Variants in MTERF4 observed in about 807,000 individuals in gnomAD.
MTERF4 encodes transcription termination factor 4, mitochondrial.
In MTERF4, 17 loss-of-function variants were observed where a neutral mutation model predicts 22.5. That is an observed-to-expected ratio of 0.75 (90% CI 0.52 to 1.13). MTERF4 has a LOEUF of 1.13. Ranked by LOEUF, MTERF4 falls within the 50% of genes most tolerant of loss-of-function variation. MTERF4 has a pLI of 0.00. For missense variants in MTERF4, 420 were observed against 466.8 expected (o/e 0.90, Z 0.92); for synonymous variants, 165 against 175.3 (o/e 0.94, Z 0.47).
chr2:241,060,811 G>A, the MTERF4 span, among the ~76,000 whole-genome samples: 1 of 152,144 alleles, frequency 6.6e-6, no homozygotes, highest in East Asian at 1.9e-4. Flanking sequence ...TGCACCTGTA[G>A]TCCCAGCTAC....
At chr2:241,064,586 G>A in the MTERF4 span, among the ~76,000 whole-genome samples, 1 of 152,178 alleles carries the variant, frequency 6.6e-6, no homozygotes, top group African/African-American at 2.4e-5. The surrounding 1 kb of genome is among the most constrained non-coding windows in gnomAD (Gnocchi z 7.0). Context: ...GTGGTGGCCT[G>A]TCCTGTCCTG....
At chr2:241,098,709 G>A (rs1488324975) in intron 2 of MTERF4, among the ~76,000 whole-genome samples, 1 of 152,182 alleles carries the variant, frequency 6.6e-6, no homozygotes, top group East Asian at 1.9e-4. Context: ...CAGAGACAGA[G>A]CACTAAGACC....
At chr2:241,081,171 C>T (rs530435642) in intron 4 of MTERF4, among the ~76,000 whole-genome samples, 1 of 152,212 alleles carries the variant, frequency 6.6e-6, no homozygotes, top group Non-Finnish European at 1.5e-5. Context: ...ACCATCTGAA[C>T]CTAAATCCTA....
the MTERF4 span, chr2:241,062,971 G>T: frequency 2.9e-4 from 307 of 1,048,648 alleles, 9 homozygotes; most frequent in South Asian, 3.3e-3. Flanking sequence ...TGAGGCACTG[G>T]GTCCCCCGGA....
the MTERF4 span, chr2:241,048,699 A>G: frequency 1.9e-6 from 3 of 1,612,844 alleles, no homozygotes; most frequent in Non-Finnish European, 2.5e-6. Context: ...ACGGAGGCAG[A>G]TGCCTGGGCG....
the MTERF4 span, chr2:241,048,559 G>A: frequency 6.7e-7 from 1 of 1,495,502 alleles, no homozygotes; most frequent in Non-Finnish European, 9.1e-7. Context: ...CGCGTCCACT[G>A]CAATTTGTAT....
At chr2:241,087,409 G>A (rs1259286993), downstream of MTERF4, 6 of 1,601,848 alleles carry the variant, frequency 3.7e-6, no homozygotes, top group East Asian at 2.3e-5. Context: ...AGAGTCTACC[G>A]AGTTCACCAA....
downstream of MTERF4, chr2:241,068,070 T>C: frequency 1.1e-6 from 1 of 928,268 alleles, no homozygotes; most frequent in Non-Finnish European, 1.6e-6. The surrounding 1 kb of genome is among the most constrained non-coding windows in gnomAD (Gnocchi z 5.3). Flanking sequence ...GCTCCTCACC[T>C]GAGCGGAGAC....
exon 5 of MTERF4, chr2:241,074,739 A>G (rs1324526741): frequency 6.6e-6 from 1 of 152,202 alleles, no homozygotes; most frequent in Non-Finnish European, 1.5e-5. Flanking sequence ...TCTTTGGTTC[A>G]TGTTGCACTC....
downstream of MTERF4, chr2:241,093,413 C>G (rs2064172950): frequency 6.6e-6 from 1 of 152,656 alleles, no homozygotes; most frequent in East Asian, 1.9e-4. Context: ...CCTCAAGCCC[C>G]TCAGCCACAC....
At chr2:241,051,112 C>T in the MTERF4 span, among the ~76,000 whole-genome samples, 3 of 152,222 alleles carry the variant, frequency 2.0e-5, no homozygotes, top group Non-Finnish European at 4.4e-5. This position sits in a 1 kb window ranked among gnomAD's most constrained non-coding sequence, Gnocchi z 4.7. Context: ...AGGCCCCTCC[C>T]GCCACTCAGA....
chr2:241,102,104 G>C, intron 1 of MTERF4, 149 bp downstream of exon 1: 1 of 1,044,158 alleles, frequency 9.6e-7, no homozygotes, highest in Non-Finnish European at 1.4e-6. Context: ...AGAGCCACGG[G>C]TCCAGGATGC....
chr2:241,055,965 A>G, the MTERF4 span, among the ~76,000 whole-genome samples: 5 of 152,244 alleles, frequency 3.3e-5, no homozygotes, highest in African/African-American at 7.2e-5. Context: ...GCTACCTAGT[A>G]GAGAATACAG....
chr2:241,044,674 A>G, the MTERF4 span, among the ~76,000 whole-genome samples: 1 of 152,372 alleles, frequency 6.6e-6, no homozygotes, highest in African/African-American at 2.4e-5. Context: ...AGCAGGGCTG[A>G]CAGTGCAGAA....
At chr2:241,071,742 CCCA>C (rs2062731161), downstream of MTERF4, 2 of 1,536,710 alleles carry the variant, frequency 1.3e-6, no homozygotes, top group Non-Finnish European at 8.8e-7. Flanking sequence ...ACCCATCGGC[CCCA>C]TCGCCCGAGG....
chr2:241,081,342 A>G (rs2063318061), intron 4 of MTERF4, among the ~76,000 whole-genome samples: 1 of 152,140 alleles, frequency 6.6e-6, no homozygotes, highest in South Asian at 2.1e-4. Flanking sequence ...GGGAGGGGCC[A>G]CAGGCCAGTG....
chr2:241,073,600 CAG>C lies in MTERF4; in HGVS notation n.2560_2561del, dbSNP rs1328826244. The C allele has an allele frequency of 2.0e-5, 12 of 586,356 alleles. No homozygotes were observed. The highest frequency in any genetic ancestry group is 1.9e-4 in the African/African-American group (10 of 53,618). 36.3% of individuals were successfully genotyped at this position (586,356 alleles called of 1,614,324 possible). ...GGGGGCAGGACCCACCCAAACCACC[CAG>C]AGTCTGAGCTAGAGAGACTGGCTTT... On this transcript the variant is annotated non_coding_transcript_exon_variant, in exon 5 of 5. Transcript: ENST00000464344. The surrounding 1 kb of genome is among the most constrained non-coding windows in gnomAD (Gnocchi z 6.6).
chr2:241,097,099 C>T, intron 3 of MTERF4, 144 bp downstream of exon 3: 1 of 923,524 alleles, frequency 1.1e-6, no homozygotes, highest in East Asian at 2.6e-5. Flanking sequence ...ATATAACTGA[C>T]CTTCACTACA....
At chr2:241,065,652 C>T in the MTERF4 span, 10 of 1,470,124 alleles carry the variant, frequency 6.8e-6, no homozygotes, top group Non-Finnish European at 8.4e-6. Flanking sequence ...GAGGGCAGCG[C>T]TGGCCCCGGC....
Sources: allele counts gnomAD v4.1 joint callset (sites outside exome capture counted in the v4.1 genomes callset), GRCh38; gene constraint gnomAD v4.1.1; non-coding constraint Gnocchi (gnomAD v3.1); transcripts MANE v1.5; gene names NCBI Gene and HGNC (gene_info 2026-07-23, HGNC 2026-07-21).